The following TNRC18 variants were observed in gnomAD, a reference collection of about 807,000 sequenced individuals.
TNRC18 encodes the protein trinucleotide repeat-containing gene 18 protein.
A neutral mutation model predicts 226.7 loss-of-function variants in TNRC18; 69 were observed. The ratio of observed to expected loss-of-function variants is 0.30; its 90% confidence interval spans 0.25 to 0.37. TNRC18 has a LOEUF of 0.37. Ranked by LOEUF, TNRC18 falls within the 10% of genes least tolerant of loss-of-function variation. The pLI, the probability that TNRC18 is intolerant of heterozygous loss-of-function variation, is 1.00. For synonymous variants in TNRC18, 2,449 were observed against 1,927.6 expected, an observed-to-expected ratio of 1.27 and a Z score of -7.09; for missense variants, 4,754 against 4,256.6, an observed-to-expected ratio of 1.12 and a Z score of -3.25.
intron 2 of TNRC18, among the ~76,000 whole-genome samples, chr7:5,409,341 G>A (rs1034596144): frequency 6.6e-6 from 1 of 151,656 alleles, no homozygotes; most frequent in African/African-American, 2.4e-5. Context: ...CATGAAACAA[G>A]AACAGGATGC....
At chr7:5,415,600 C>T (rs567918867) in intron 2 of TNRC18, among the ~76,000 whole-genome samples, 22 of 150,390 alleles carry the variant, frequency 1.5e-4, no homozygotes, top group African/African-American at 4.9e-4. Flanking sequence ...AGGCTGGTCT[C>T]GAACTCCTGA....
At chr7:5,345,951 G>C in intron 17 of TNRC18, 141 bp from the exon 18 acceptor site, 4 of 1,257,462 alleles carry the variant, frequency 3.2e-6, no homozygotes, top group Non-Finnish European at 4.3e-6. Flanking sequence ...GGTGGATGCA[G>C]ACCCAGCCCA....
At position 5,377,390 on chromosome 7, in the gene TNRC18, C is replaced by G; in HGVS notation, c.2442G>C (p.Trp814Cys). The change falls in exon 7 of 30, where the codon TGG becomes TGC. Residue 814 changes from tryptophan to cysteine, a missense_variant. Coordinates refer to ENST00000430969, the MANE Select transcript of TNRC18 (RefSeq NM_001080495.3). This position sits in a 1 kb window ranked among gnomAD's most constrained non-coding sequence, Gnocchi z 5.8. ...WLPRSGNASM[W>C]LAGHPYGLGP... The stretch of plus-strand genomic sequence containing the variant: ...ACTCACCGTAGGGGTGTCCAGCGAG[C>G]CACATGGATGCGTTGCCCGAGCGGG... 1 of 1,590,086 alleles carries G rather than the reference C, an allele frequency of 6.3e-7. No individual in the cohort carries two copies. The highest frequency in any genetic ancestry group is 8.6e-7 in the Non-Finnish European group (1 of 1,169,086).
intron 2 of TNRC18, among the ~76,000 whole-genome samples, chr7:5,412,481 CAGG>C (rs1410390635): frequency 6.6e-6 from 1 of 151,888 alleles, no homozygotes; most frequent in Non-Finnish European, 1.5e-5. Flanking sequence ...GAGGCTGAGG[CAGG>C]AGAATCGCTT....
In TNRC18 at chr7:5,312,489, G is replaced by A. The variant is rs528859421; in HGVS notation, c.8388+14C>T. ...CCCGGCCCCTCGGCCGTGCCCGGGC[G>A]CGAGCTTGCTCACCTGGGTGGGCTT... On this transcript the variant is annotated intron_variant, in intron 27 of 29. Transcript: ENST00000430969. This position sits in a 1 kb window ranked among gnomAD's most constrained non-coding sequence, Gnocchi z 6.3. The A allele has an allele frequency of 5.7e-5, 92 of 1,608,900 alleles. No individual in the cohort carries two copies. Among genetic ancestry groups the A allele is most frequent in the Middle Eastern group, 2.2e-4 (1 of 4,574 alleles).
At chr7:5,323,546 G>A (rs1252908437) in intron 21 of TNRC18, among the ~76,000 whole-genome samples, 13 of 146,000 alleles carry the variant, frequency 8.9e-5, no homozygotes, top group South Asian at 6.5e-4. Context: ...GCCCCCACTC[G>A]TTCTCTGTGC....
intron 2 of TNRC18, among the ~76,000 whole-genome samples, chr7:5,418,501 C>G (rs980037410): frequency 1.3e-5 from 2 of 152,174 alleles, no homozygotes; most frequent in African/African-American, 4.8e-5. Flanking sequence ...GCTCTGAGCT[C>G]TCTCCAGGGA....
intron 2 of TNRC18, chr7:5,420,111 C>T (rs1399864438): frequency 3.2e-6 from 1 of 307,744 alleles, no homozygotes; most frequent in African/African-American, 2.3e-5. Flanking sequence ...CTCCTTCCCA[C>T]CCCTCTGGCT....
chr7:5,324,263 C>T lies in TNRC18; in HGVS notation c.6393G>A (p.Glu2131=), dbSNP rs1788672059. The T allele has an allele frequency of 6.2e-7, 1 of 1,612,744 alleles. No homozygotes were observed. Among genetic ancestry groups the T allele is most frequent in the Admixed American group, 1.7e-5 (1 of 59,932 alleles). ...CCCCGCCACGCGGCAGGTGCTCGTC[C>T]TCAGAGAAGCTCGAGTCTTGGTTGG... is the stretch of plus-strand genomic sequence containing the variant. ...FEPNQDSSFS[E]DEHLPRGGAV... The change falls in exon 21 of 30, where the codon GAG becomes GAA. Residue 2131 remains glutamate (E), a synonymous_variant. Transcript: ENST00000430969. The surrounding 1 kb of genome is among the most constrained non-coding windows in gnomAD (Gnocchi z 4.8).
At chr7:5,317,225 C>T (rs1352863873) in intron 24 of TNRC18, among the ~76,000 whole-genome samples, 3 of 151,988 alleles carry the variant, frequency 2.0e-5, no homozygotes, top group Non-Finnish European at 4.4e-5. Context: ...CTAAGGAGTT[C>T]TAACCAGAGG....
chr7:5,420,524 T>C (rs1448179397), intron 2 of TNRC18: 2 of 446,562 alleles, frequency 4.5e-6, no homozygotes, highest in East Asian at 7.0e-5. Context: ...GTCCCAAGGC[T>C]GGGGTCACCG....
chr7:5,342,388 C>T (rs550312642), intron 18 of TNRC18, among the ~76,000 whole-genome samples: 11 of 151,218 alleles, frequency 7.3e-5, no homozygotes, highest in Non-Finnish European at 1.5e-4. Context: ...GAGATCGCAC[C>T]GCTGCATTCC....
chr7:5,387,648 A>C (rs780662034), intron 5 of TNRC18, 24 bp downstream of exon 5: 2 of 1,601,038 alleles, frequency 1.2e-6, no homozygotes, highest in East Asian at 4.5e-5. Context: ...TCCTACCCGC[A>C]CCTGGGCTCT....
chr7:5,388,531 C>G lies in TNRC18; in HGVS notation c.1293G>C (p.Ser431=), dbSNP rs1355038156. The G allele has an allele frequency of 5.3e-6, 7 of 1,318,864 alleles. No individual in the cohort carries two copies. The highest frequency in any genetic ancestry group is 6.7e-6 in the Non-Finnish European group (7 of 1,038,390). 81.7% of individuals were successfully genotyped at this position (1,318,864 alleles called of 1,614,324 possible). Residue 431 remains serine, a synonymous_variant, in exon 5 of 30, where the codon TCG becomes TCC. Transcript: ENST00000430969. The part of the protein sequence containing the change: ...DRPEGLREKN[S]VIRSLKRPPP... ...GCGGCCGCTTGAGCGAGCGGATGAC[C>G]GAGTTCTTCTCGCGCAGGCCCTCGG...
intron 11 of TNRC18, among the ~76,000 whole-genome samples, chr7:5,364,584 G>A (rs1356249653): frequency 1.3e-5 from 2 of 151,750 alleles, no homozygotes; most frequent in South Asian, 2.1e-4. Context: ...CGGGTGGATG[G>A]CTTGAGGCCA....
At chr7:5,419,906 C>G (rs1189276301) in intron 2 of TNRC18, 1 of 156,238 alleles carries the variant, frequency 6.4e-6, no homozygotes, top group Non-Finnish European at 1.4e-5. Flanking sequence ...CCTGAGAGAC[C>G]CCAAGGAAGA....
At chr7:5,363,582 T>A (rs6463427) in intron 11 of TNRC18, among the ~76,000 whole-genome samples, 1 of 151,788 alleles carries the variant, frequency 6.6e-6, no homozygotes, top group Non-Finnish European at 1.5e-5. Flanking sequence ...CCAGCCTGGG[T>A]GACAGAGGGA....
At chr7:5,413,573 C>T (rs992429246) in intron 2 of TNRC18, among the ~76,000 whole-genome samples, 15 of 152,182 alleles carry the variant, frequency 9.9e-5, no homozygotes, top group African/African-American at 3.6e-4. Context: ...TTGCCCAGAC[C>T]ACTGTGAGTG....
intron 11 of TNRC18, among the ~76,000 whole-genome samples, chr7:5,365,147 T>G (rs77074299): frequency 6.6e-6 from 1 of 152,136 alleles, no homozygotes; most frequent in Non-Finnish European, 1.5e-5. Flanking sequence ...AGGGTCTCAC[T>G]CTGTCCCCCA....
Sources: allele counts gnomAD v4.1 joint callset (sites outside exome capture counted in the v4.1 genomes callset), GRCh38; gene constraint gnomAD v4.1.1; non-coding constraint Gnocchi (gnomAD v3.1); transcripts MANE v1.5; gene names NCBI Gene and HGNC (gene_info 2026-07-23, HGNC 2026-07-21).